Variants in RBMXL1 observed in about 807,000 individuals in gnomAD.
RBMXL1 encodes RNA binding motif protein, X-linked-like-1.
A neutral mutation model predicts 29.0 loss-of-function variants in RBMXL1; 18 were observed. The ratio of observed to expected loss-of-function variants is 0.62; its 90% CI spans 0.43 to 0.92. The LOEUF (loss-of-function observed/expected upper bound fraction) is 0.92. Among genes scored for constraint, RBMXL1 ranks in the 40% least tolerant of loss-of-function variants. The probability of loss-of-function intolerance (pLI) is 0.00; values close to 1 mark genes in which losing one functional copy is unlikely to be tolerated. For synonymous variants in RBMXL1, 141 were observed against 170.4 expected, an observed-to-expected ratio of 0.83 and a Z score of 1.34; for missense variants, 403 against 495.8, an observed-to-expected ratio of 0.81 and a Z score of 1.78.
Position 88,983,030 on chromosome 1 carries a change from T to C in RBMXL1, c.797A>G (p.Tyr266Cys), listed in dbSNP as rs942333653. 1 of 1,612,758 alleles carries C rather than the reference T, an allele frequency of 6.2e-7. No individual in the cohort carries two copies. The highest frequency in any genetic ancestry group is 8.5e-7 in the Non-Finnish European group (1 of 1,179,984). The change falls in exon 3 of 3, where the codon TAT (tyrosine) becomes TGT (cysteine). Residue 266 changes from tyrosine (Y) to cysteine (C), a missense_variant. Coordinates refer to ENST00000652648, the MANE Select transcript of RBMXL1 (RefSeq NM_001162536.3). ...ATCTGAATAGTCACGATCACGACCA[T>C]ATCCATCTCTATCGCCATAGCCTCT... ...PSRGYGDRDGYGRDRDYSDHP... is the reference protein window; with the variant it reads ...PSRGYGDRDGCGRDRDYSDHP...
Position 88,988,330 on chromosome 1 carries a change from G to T in RBMXL1, c.-319C>A. 6.2e-7 allele frequency: 1 copy of T among 1,611,290 alleles called. No homozygotes were observed. Among genetic ancestry groups the T allele is most frequent in the Admixed American group, 1.7e-5 (1 of 59,612 alleles). On this transcript the variant is annotated 5_prime_UTR_variant, in exon 2 of 3. Transcript: ENST00000652648. ...TTGCTCTACCGCTAAGAGAGCAGAG[G>T]CTCCTCTGGGCCAAAAACATGCTAT... is the stretch of plus-strand genomic sequence containing the variant.
intron 2 of RBMXL1, 68 bp from the exon 3 acceptor site, chr1:88,984,134 AG>A (rs1677292260): frequency 2.4e-6 from 1 of 420,284 alleles, no homozygotes; most frequent in African/African-American, 2.0e-5. Context: ...AGATGCTTAA[AG>A]ATACATAAAA....
chr1:88,988,208 G>T, intron 2 of RBMXL1, 44 bp downstream of exon 2: 1 of 1,301,486 alleles, frequency 7.7e-7, no homozygotes, highest in Non-Finnish European at 1.1e-6. Context: ...TTTGGACAGT[G>T]CAGAATATGT....
At position 88,982,128 on chromosome 1, in the gene RBMXL1, G is replaced by A. The variant is rs1677121132; in HGVS notation, c.*526C>T. Reference sequence around the variant, plus strand: ...CATTTGCTTTTTTTGGGTTTACTGGGTGAATAGCACTTTCCTTACATAGGC... The same window carrying A: ...CATTTGCTTTTTTTGGGTTTACTGGATGAATAGCACTTTCCTTACATAGGC... On this transcript the variant is annotated 3_prime_UTR_variant, in exon 3 of 3. Coordinates refer to ENST00000652648, the MANE Select transcript of RBMXL1 (RefSeq NM_001162536.3). 4 of 980,334 alleles carry A rather than the reference G, an allele frequency of 4.1e-6. No homozygotes were observed. Among genetic ancestry groups the A allele is most frequent in the Non-Finnish European group, 4.9e-6 (4 of 824,440 alleles). The allele number at this position is 980,334 out of a possible 1,614,324, so 60.7% of individuals were successfully genotyped here.
rs796929377 is a variant in RBMXL1, at chr1:88,983,328, G to A, written c.499C>T (p.Pro167Ser). ...CTGCTGCTGCGAACTAGTCCTGAAG[G>A]TGCAGATCTCTTAGGAGAAGGACCC... is the stretch of plus-strand genomic sequence containing the variant. ...SGGPSPKRSA[P>S]SGLVRSSSGM... The change falls in exon 3 of 3, where the codon CCT becomes TCT. Residue 167 changes from proline to serine, a missense_variant. By Grantham distance (74) the Pro-to-Ser change is moderately conservative (BLOSUM62 -1). Coordinates refer to ENST00000652648, the MANE Select transcript of RBMXL1 (RefSeq NM_001162536.3). The A allele has an allele frequency of 2.5e-6, 4 of 1,585,234 alleles. No homozygotes were observed. The highest frequency in any genetic ancestry group is 3.4e-6 in the Non-Finnish European group (4 of 1,166,920).
chr1:88,988,671 T>C (rs1426292316), intron 1 of RBMXL1, among the ~76,000 whole-genome samples: 2 of 152,342 alleles, frequency 1.3e-5, no homozygotes, highest in East Asian at 3.9e-4. Context: ...GAAAGTTCCA[T>C]TTCTAGCAGC....
intron 1 of RBMXL1, among the ~76,000 whole-genome samples, chr1:88,991,576 T>C (rs1485597493): frequency 2.6e-5 from 4 of 152,108 alleles, no homozygotes; most frequent in Admixed American, 6.5e-5. Context: ...GGGAGTACAG[T>C]GGAAGGATGC....
At chr1:88,988,125 C>T (rs1421466807) in intron 2 of RBMXL1, 127 bp downstream of exon 2, 1 of 616,840 alleles carries the variant, frequency 1.6e-6, no homozygotes, top group East Asian at 2.9e-5. Context: ...CAAGAGACAC[C>T]TTCAGCATAT....
In RBMXL1 at chr1:88,982,968, T is replaced by A; in HGVS notation, c.859A>T (p.Ser287Cys). The part of the protein sequence containing the change: ...SGGSYRDSYE[S>C]YGNSRSAPLT... ...GGAGCACTACGTGAGTTACCATAAC[T>A]CTCATATGAATCTCTGTAGGAACCT... Residue 287 changes from serine to cysteine, a missense_variant, in exon 3 of 3, where the codon AGT (serine) becomes TGT (cysteine). Physicochemically the swap from Ser to Cys is moderately radical, Grantham distance 112 (BLOSUM62 -1). Transcript: ENST00000652648. 2.5e-6 allele frequency: 4 copies of A among 1,613,680 alleles called. No individual in the cohort carries two copies. Among genetic ancestry groups the A allele is most frequent in the Non-Finnish European group, 3.4e-6 (4 of 1,179,938 alleles).
rs765204514 is a variant in RBMXL1, at chr1:88,982,748, C to G, written c.1079G>C (p.Arg360Pro). 6.2e-7 allele frequency: 1 copy of G among 1,613,940 alleles called. No homozygotes were observed. ...GCGGCTTGAACTGCTGTAGGAATCA[C>G]GTGAAGAAGGGTACCCCCTTTCTAC... ...PSVERGYPSS[R>P]DSYSSSSRGA... The change falls in exon 3 of 3, where the codon CGT (arginine) becomes CCT (proline). Residue 360 changes from arginine (R) to proline (P), a missense_variant. Transcript: ENST00000652648.
At chr1:88,984,203 G>GGTTTT (rs1557707537) in intron 2 of RBMXL1, 137 bp from the exon 3 acceptor site, 1 of 98,314 alleles carries the variant, frequency 1.0e-5, no homozygotes, top group Non-Finnish European at 2.2e-5. Flanking sequence ...TTTTTTTGTT[G>GGTTTT]CTTTTTTTTT....
rs1289232834 is a variant in RBMXL1 at position 88,980,847 on chromosome 1, G to GT, written c.*1806dup. ...ATTCGGCTAAGACAACTATGGAAGT[G>GT]TAACAACCACATAAATTTGGTCATT... On this transcript the variant is annotated 3_prime_UTR_variant, in exon 3 of 3. Coordinates refer to ENST00000652648, the MANE Select transcript of RBMXL1 (RefSeq NM_001162536.3). The GT allele has an allele frequency of 6.6e-6, 1 of 152,270 alleles. No individual in the cohort carries two copies. 9.4% of individuals were successfully genotyped at this position (152,270 alleles called of 1,614,324 possible). A position where few individuals can be genotyped will look rare whatever the true frequency, so the allele number is the denominator to read the frequency against.
rs1376242240 is a variant in RBMXL1 at position 88,979,575 on chromosome 1, G to C, written c.*3079C>G. On this transcript the variant is annotated 3_prime_UTR_variant, in exon 3 of 3. Transcript: ENST00000652648. ...GCCACTTCACAGAAAATATACAACT[G>C]GCCAAAAAGTACCTTAAAAGATGCT... 1 of 152,038 alleles carries C rather than the reference G, an allele frequency of 6.6e-6. No homozygotes were observed. The highest frequency in any genetic ancestry group is 1.5e-5 in the Non-Finnish European group (1 of 68,020). 9.4% of individuals were successfully genotyped at this position (152,038 alleles called of 1,614,324 possible). A position where few individuals can be genotyped will look rare whatever the true frequency, so the allele number is the denominator to read the frequency against.
chr1:88,980,778 C>T lies in RBMXL1; in HGVS notation c.*1876G>A, dbSNP rs1677043797. ...TAGGATATCTTAAGAGCCAAAAGGT[C>T]CTCACAGAAGCTTTAACCCAAGTAA... On this transcript the variant is annotated 3_prime_UTR_variant, in exon 3 of 3. Coordinates refer to ENST00000652648, the MANE Select transcript of RBMXL1 (RefSeq NM_001162536.3). 6.6e-6 allele frequency: 1 copy of T among 152,026 alleles called. No homozygotes were observed. 9.4% of individuals were successfully genotyped at this position (152,026 alleles called of 1,614,324 possible).
chr1:88,987,161 G>A (rs886073129), intron 2 of RBMXL1, among the ~76,000 whole-genome samples: 1 of 152,204 alleles, frequency 6.6e-6, no homozygotes, highest in Admixed American at 6.5e-5. Context: ...TGTAGAATTA[G>A]AATGCATAAT....
At chr1:88,986,529 C>T (rs181768546) in intron 2 of RBMXL1, among the ~76,000 whole-genome samples, 56 of 150,830 alleles carry the variant, frequency 3.7e-4, no homozygotes, top group African/African-American at 8.5e-4. Flanking sequence ...TGGTCTCAAG[C>T]GATCCACTGG....
At chr1:88,984,947 C>G (rs1244705238) in intron 2 of RBMXL1, among the ~76,000 whole-genome samples, 1 of 152,176 alleles carries the variant, frequency 6.6e-6, no homozygotes, top group Admixed American at 6.5e-5. Flanking sequence ...TGTCTGGTTA[C>G]TTCATATCAC....
In RBMXL1 at chr1:88,987,158, T is replaced by A. The variant is rs186041521; in HGVS notation, c.-241+1094A>T. On this transcript the variant is annotated intron_variant, in intron 2 of 2. Coordinates refer to ENST00000652648, the MANE Select transcript of RBMXL1 (RefSeq NM_001162536.3). Reference sequence around the variant, plus strand: ...CAAAATACATTCCAGATATGTAGAATTAGAATGCATAATGGTGAGCCCTGG... The same window carrying A: ...CAAAATACATTCCAGATATGTAGAAATAGAATGCATAATGGTGAGCCCTGG... 2.3e-3 allele frequency among the ~76,000 whole-genome samples: 344 copies of A among 152,338 alleles called. 4 individuals are homozygous for A. The highest frequency in any genetic ancestry group is 8.1e-3 in the African/African-American group (338 of 41,580).
In RBMXL1 at chr1:88,981,271, C is replaced by G. The variant is rs1677073495; in HGVS notation, c.*1383G>C. The G allele has an allele frequency of 6.6e-6, 1 of 152,236 alleles. No individual in the cohort carries two copies. Among genetic ancestry groups the G allele is most frequent in the African/African-American group, 2.4e-5 (1 of 41,462 alleles). The allele number at this position is 152,236 out of a possible 1,614,324, so 9.4% of individuals were successfully genotyped here. On this transcript the variant is annotated 3_prime_UTR_variant, in exon 3 of 3. Coordinates refer to ENST00000652648, the MANE Select transcript of RBMXL1 (RefSeq NM_001162536.3). The stretch of plus-strand genomic sequence containing the variant: ...TAAGCCACCACAAAAAAATGTTTCA[C>G]TTACTGACAAGACACTTCACCAGAT...
Sources: allele counts gnomAD v4.1 joint callset (sites outside exome capture counted in the v4.1 genomes callset), GRCh38; gene constraint gnomAD v4.1.1; transcripts MANE v1.5; gene names NCBI Gene and HGNC (gene_info 2026-07-23, HGNC 2026-07-21).